Variants in USP12 observed in about 807,000 individuals in gnomAD.
USP12 encodes ubiquitin specific peptidase 12, also known as ubiquitin carboxyl-terminal hydrolase 12.
A neutral mutation model predicts 45.5 loss-of-function variants in USP12; 19 were observed. The observed-to-expected ratio is 0.42, with a 90% CI of 0.29 to 0.61. The LOEUF (loss-of-function observed/expected upper bound fraction) is 0.61. Ranked by LOEUF, USP12 falls within the 20% of genes least tolerant of loss-of-function variation. The probability of loss-of-function intolerance (pLI) is 0.22; values close to 1 mark genes in which losing one functional copy is unlikely to be tolerated. For synonymous variants in USP12, 149 were observed against 148.8 expected (o/e 1.00, Z -0.01); for missense variants, 242 against 447.7 (o/e 0.54, Z 4.15).
intron 1 of USP12, among the ~76,000 whole-genome samples, chr13:27,154,862 G>A (rs963065223): frequency 2.6e-5 from 4 of 151,962 alleles, no homozygotes; most frequent in Non-Finnish European, 4.4e-5. Flanking sequence ...GTCGCCGTCC[G>A]AGGGAGGTAA....
intron 1 of USP12, among the ~76,000 whole-genome samples, chr13:27,128,046 T>C (rs552910226): frequency 6.6e-6 from 1 of 152,358 alleles, no homozygotes; most frequent in East Asian, 1.9e-4. Context: ...ATGAAAAGTT[T>C]CACCACATAA....
At chr13:27,138,363 T>G (rs1876904252) in intron 1 of USP12, among the ~76,000 whole-genome samples, 1 of 152,202 alleles carries the variant, frequency 6.6e-6, no homozygotes, top group Admixed American at 6.5e-5. Context: ...ATTAAAGGCC[T>G]GAAAATTCCA....
chr13:27,102,102 A>G (rs1157922655), intron 3 of USP12, among the ~76,000 whole-genome samples: 3 of 152,216 alleles, frequency 2.0e-5, no homozygotes, highest in African/African-American at 7.2e-5. Flanking sequence ...CCCCCAAACA[A>G]TAACTGAAAT....
In USP12 at chr13:27,129,833, G is replaced by C. The variant is rs1033607091; in HGVS notation, c.49-13237C>G. Among the ~76,000 whole-genome samples the C allele has an allele frequency of 6.6e-6, 1 of 152,174 alleles. No individual in the cohort carries two copies. Among genetic ancestry groups the C allele is most frequent in the African/African-American group, 2.4e-5 (1 of 41,448 alleles). ...GCACCACTCTTTGATAAATGGTGGG[G>C]AAGTAGAAAAGAACTGGCTGCCAAC... On this transcript the variant is annotated intron_variant, in intron 1 of 8. Coordinates refer to ENST00000282344, the MANE Select transcript of USP12 (RefSeq NM_182488.4). This position sits in a 1 kb window ranked among gnomAD's most constrained non-coding sequence, Gnocchi z 4.0.
At chr13:27,092,419 TGAA>T (rs1565986683) in intron 4 of USP12, among the ~76,000 whole-genome samples, 1 of 152,170 alleles carries the variant, frequency 6.6e-6, no homozygotes, top group Non-Finnish European at 1.5e-5. Context: ...AACAAAATAT[TGAA>T]GAAGAACAAA....
intron 6 of USP12, among the ~76,000 whole-genome samples, chr13:27,086,112 G>T (rs1265437246): frequency 3.4e-5 from 5 of 148,076 alleles, no homozygotes; most frequent in African/African-American, 1.2e-4. Flanking sequence ...TGAGGCTACA[G>T]TGAGCTAAGA....
rs994044026 is a variant in USP12 at position 27,070,976 on chromosome 13, T to C, written c.1011+95A>G. 6 of 1,001,346 alleles carry C rather than the reference T, an allele frequency of 6.0e-6. No homozygotes were observed. In the African/African-American group the frequency reaches 8.2e-5, roughly 14 times the overall value. The allele number at this position is 1,001,346 out of a possible 1,614,324, so 62.0% of individuals were successfully genotyped here. ...AGACCCAGACATTTGTCTCATATCA[T>C]CACCAGTCATATATAAATGAAAAAC... On this transcript the variant is annotated intron_variant, in intron 8 of 8. Transcript: ENST00000282344.
At chr13:27,114,072 A>G (rs1364442120) in intron 2 of USP12, among the ~76,000 whole-genome samples, 1 of 152,194 alleles carries the variant, frequency 6.6e-6, no homozygotes, top group African/African-American at 2.4e-5. Flanking sequence ...GTTATTTTTA[A>G]AACAAACAAC....
intron 1 of USP12, among the ~76,000 whole-genome samples, chr13:27,160,823 CATGTGCAGG>C (rs1362400063): frequency 6.7e-6 from 1 of 150,090 alleles, no homozygotes; most frequent in Non-Finnish European, 1.5e-5. Flanking sequence ...TTACAGGGTA[CATGTGCAGG>C]ATGTGCAGGT....
rs575347630 is a variant in USP12, at chr13:27,144,269, G to A, written c.48+27323C>T. ...CCCCAGTGCTTTGGGAGACCAAGGT[G>A]GAAGCATCACTTCAGCCCAGTTTGA... On this transcript the variant is annotated intron_variant, in intron 1 of 8. Coordinates refer to ENST00000282344, the MANE Select transcript of USP12 (RefSeq NM_182488.4). Among the ~76,000 whole-genome samples, 31 of 152,138 alleles carry A rather than the reference G, an allele frequency of 2.0e-4. No individual in the cohort carries two copies. In the South Asian group the frequency reaches 6.2e-3, roughly 31 times the overall value.
At chr13:27,152,811 G>A (rs528991924) in intron 1 of USP12, among the ~76,000 whole-genome samples, 78 of 151,734 alleles carry the variant, frequency 5.1e-4, no homozygotes, top group Middle Eastern at 3.4e-3. Flanking sequence ...GCGTGGTGGC[G>A]GGCGCCTGTA....
rs978474735 is a variant in USP12 at position 27,171,044 on chromosome 13, A to G, written c.48+548T>C. Among the ~76,000 whole-genome samples the G allele has an allele frequency of 2.6e-5, 4 of 152,058 alleles. No homozygotes were observed. In the East Asian group the frequency reaches 7.7e-4, roughly 29 times the overall value. On this transcript the variant is annotated intron_variant, in intron 1 of 8. Transcript: ENST00000282344. ...TTCCGTCCTCTCCCAGGCGGGAATG[A>G]GCGCTGCCCGCCCCGGCCGAGACCC... is the stretch of plus-strand genomic sequence containing the variant.
chr13:27,093,057 G>A (rs1423597151), intron 4 of USP12, among the ~76,000 whole-genome samples: 2 of 151,964 alleles, frequency 1.3e-5, no homozygotes, highest in South Asian at 2.1e-4. Context: ...TTAGCCGGGC[G>A]TGGTGGCGCG....
intron 6 of USP12, among the ~76,000 whole-genome samples, chr13:27,080,166 G>A (rs1378493614): frequency 6.6e-6 from 1 of 152,194 alleles, no homozygotes; most frequent in African/African-American, 2.4e-5. Flanking sequence ...AGGGAGGCAG[G>A]AGGCATCAAC....
intron 2 of USP12, among the ~76,000 whole-genome samples, chr13:27,106,508 C>T (rs1385644686): frequency 6.6e-6 from 1 of 152,022 alleles, no homozygotes; most frequent in East Asian, 1.9e-4. Flanking sequence ...AACACTGGCT[C>T]TAAAAGCTAT....
chr13:27,165,009 C>T lies in USP12; in HGVS notation c.48+6583G>A, dbSNP rs79367545. Among the ~76,000 whole-genome samples the T allele has an allele frequency of 3.6e-3, 542 of 148,756 alleles. 4 individuals are homozygous for T. The highest frequency in any genetic ancestry group is 0.013 in the African/African-American group (515 of 40,704). On this transcript the variant is annotated intron_variant, in intron 1 of 8. Transcript: ENST00000282344. ...GAAAGAAAATAAGTCCTGAAGCTAA[C>T]TTGAATGCACACACCTTGTTCTAGT...
intron 1 of USP12, among the ~76,000 whole-genome samples, chr13:27,125,942 T>C (rs958954668): frequency 8.5e-5 from 13 of 152,250 alleles, no homozygotes; most frequent in Non-Finnish European, 1.6e-4. Flanking sequence ...TAGGTGGTTC[T>C]GTGCTTACAG....
At position 27,075,328 on chromosome 13, in the gene USP12, C is replaced by A. The variant is rs1873427963; in HGVS notation, c.795G>T (p.Met265Ile). The stretch of plus-strand genomic sequence containing the variant: ...GTTTTGTATATCGATGAAGTTGATC[C>A]ATATATTTAAATCTCTTCAGGTGTA... ...LALHLKRFKY[M>I]DQLHRYTKLS... Residue 265 changes from methionine (M) to isoleucine (I), a missense_variant, in exon 7 of 9, where the codon ATG becomes ATT. Met to Ile is a conservative substitution (Grantham distance 10). Transcript: ENST00000282344. The A allele has an allele frequency of 6.2e-7, 1 of 1,613,968 alleles. No homozygotes were observed. The highest frequency in any genetic ancestry group is 8.5e-7 in the Non-Finnish European group (1 of 1,180,000).
At position 27,067,656 on chromosome 13, in the gene USP12, A is replaced by T. The variant is rs1476493867; in HGVS notation, c.*1627T>A. On this transcript the variant is annotated 3_prime_UTR_variant, in exon 9 of 9. Coordinates refer to ENST00000282344, the MANE Select transcript of USP12 (RefSeq NM_182488.4). ...CAAAAGATACAGATAATAAATGTTA[A>T]TAATAGCAGCAGACTAAAAAATTCC... 6.6e-6 allele frequency: 1 copy of T among 152,244 alleles called. No individual in the cohort carries two copies. Among genetic ancestry groups the T allele is most frequent in the Non-Finnish European group, 1.5e-5 (1 of 68,044 alleles). 9.4% of individuals were successfully genotyped at this position (152,244 alleles called of 1,614,324 possible).
Sources: allele counts gnomAD v4.1 joint callset (sites outside exome capture counted in the v4.1 genomes callset), GRCh38; gene constraint gnomAD v4.1.1; non-coding constraint Gnocchi (gnomAD v3.1); transcripts MANE v1.5; gene names NCBI Gene and HGNC (gene_info 2026-07-23, HGNC 2026-07-21).